Variants in NLGN1 observed in about 807,000 individuals in gnomAD.
NLGN1 encodes the protein neuroligin-1.
NLGN1 carries 12 observed loss-of-function variants against 65.5 expected under a neutral mutation model. The observed-to-expected ratio is 0.18, with a 90% CI of 0.12 to 0.30. The LOEUF (loss-of-function observed/expected upper bound fraction) is 0.30. Among genes scored for constraint, NLGN1 ranks in the 10% least tolerant of loss-of-function variants. The probability of loss-of-function intolerance (pLI) is 1.00; values close to 1 mark genes in which losing one functional copy is unlikely to be tolerated. For synonymous variants in NLGN1, 350 were observed against 359.5 expected (o/e 0.97, Z 0.30); for missense variants, 750 against 1,007.1 (o/e 0.74, Z 3.46).
intron 4 of NLGN1, among the ~76,000 whole-genome samples, chr3:174,210,974 G>C (rs538623788): frequency 6.6e-6 from 1 of 152,120 alleles, no homozygotes; most frequent in Non-Finnish European, 1.5e-5. Context: ...ATGAAGCCGC[G>C]GACCCTCGCG....
chr3:173,996,265 CCTTG>C (rs1722259976), intron 4 of NLGN1, among the ~76,000 whole-genome samples: 1 of 152,136 alleles, frequency 6.6e-6, no homozygotes, highest in Non-Finnish European at 1.5e-5. Context: ...ATTTTAAGAT[CCTTG>C]CTGTATATAT....
Position 173,817,399 on chromosome 3 carries a change from G to A in NLGN1, c.646+9567G>A, listed in dbSNP as rs115613436. Among the ~76,000 whole-genome samples, 379 of 152,342 alleles carry A rather than the reference G, an allele frequency of 2.5e-3. 2 individuals are homozygous for A. Among genetic ancestry groups the A allele is most frequent in the African/African-American group, 8.6e-3 (356 of 41,576 alleles). On this transcript the variant is annotated intron_variant, in intron 4 of 6. Transcript: ENST00000457714. ...CCTTGATCAAAGTTGACATTCTGCT[G>A]TGGATACAAAAAGCACGGCTAATAC... is the stretch of plus-strand genomic sequence containing the variant.
chr3:173,617,092 T>TTTTAATGTACCTCTACCTCTTTTCATGTC (rs1197039755), intron 3 of NLGN1, among the ~76,000 whole-genome samples: 12 of 152,186 alleles, frequency 7.9e-5, no homozygotes, highest in Non-Finnish European at 1.6e-4. Context: ...ATCCTTCTAC[T>TTTTAATGTACCTCTACCTCTTTTCATGTC]TTTAATGTAC....
intron 2 of NLGN1, among the ~76,000 whole-genome samples, chr3:173,571,683 G>A (rs1395503548): frequency 6.6e-6 from 1 of 152,176 alleles, no homozygotes; most frequent in Admixed American, 6.5e-5. Flanking sequence ...CATGCATTAG[G>A]CTGGAATATT....
At chr3:173,608,479 T>C (rs1751741112) in intron 3 of NLGN1, among the ~76,000 whole-genome samples, 1 of 151,918 alleles carries the variant, frequency 6.6e-6, no homozygotes, top group Non-Finnish European at 1.5e-5. Flanking sequence ...TTGCGTAATT[T>C]ATCCATTTAA....
chr3:174,245,168 C>T (rs1743571008), intron 4 of NLGN1, among the ~76,000 whole-genome samples: 1 of 152,146 alleles, frequency 6.6e-6, no homozygotes, highest in Non-Finnish European at 1.5e-5. Context: ...CTAGCAGTAG[C>T]TTAACCTCCC....
chr3:174,265,781 A>ATG (rs1553984542), intron 4 of NLGN1, among the ~76,000 whole-genome samples: 215 of 134,714 alleles, frequency 1.6e-3, no homozygotes, highest in African/African-American at 4.0e-3. Context: ...ATATATATAT[A>ATG]TGTATATATA....
chr3:173,971,240 G>C (rs1239644032), intron 4 of NLGN1, among the ~76,000 whole-genome samples: 2 of 152,098 alleles, frequency 1.3e-5, no homozygotes, highest in Non-Finnish European at 2.9e-5. Flanking sequence ...GAAATAAATT[G>C]TTTATAATAC....
rs184165260 is a variant in NLGN1, at chr3:173,551,315, G to A, written c.-320-52964G>A. Among the ~76,000 whole-genome samples, 12 of 152,288 alleles carry A rather than the reference G, an allele frequency of 7.9e-5. No individual in the cohort carries two copies. In the East Asian group the frequency reaches 1.7e-3, roughly 22 times the overall value. ...ACAAACCACAAAACTAAAGCAGCTC[G>A]ATGTGTAAGCTACAGGCAGAAGCTA... On this transcript the variant is annotated intron_variant, in intron 2 of 6. Coordinates refer to ENST00000457714, the Ensembl canonical transcript of NLGN1.
intron 4 of NLGN1, among the ~76,000 whole-genome samples, chr3:174,269,597 T>G (rs1338019144): frequency 1.3e-5 from 2 of 152,042 alleles, no homozygotes; most frequent in Non-Finnish European, 2.9e-5. Flanking sequence ...GATCTGTCAA[T>G]GAACACTTGG....
chr3:173,646,022 A>G (rs1157506813), intron 3 of NLGN1, among the ~76,000 whole-genome samples: 2 of 152,106 alleles, frequency 1.3e-5, no homozygotes, highest in Non-Finnish European at 2.9e-5. Context: ...TGGACAGGTG[A>G]AATCCTCACT....
chr3:173,937,391 A>G (rs1745252620), intron 4 of NLGN1, among the ~76,000 whole-genome samples: 1 of 152,122 alleles, frequency 6.6e-6, no homozygotes, highest in South Asian at 2.1e-4. Context: ...ACAAATTAAT[A>G]TACTTTATGA....
At chr3:173,608,579 G>T (rs958955683) in intron 3 of NLGN1, among the ~76,000 whole-genome samples, 1 of 151,858 alleles carries the variant, frequency 6.6e-6, no homozygotes, top group Non-Finnish European at 1.5e-5. Context: ...TAAGAAGGTA[G>T]ACTCTGAAAA....
At chr3:173,525,466 C>T (rs2149158135) in intron 2 of NLGN1, among the ~76,000 whole-genome samples, 1 of 152,086 alleles carries the variant, frequency 6.6e-6, no homozygotes, top group East Asian at 1.9e-4. Flanking sequence ...TGTAATGTCA[C>T]TTTTATCATT....
At chr3:174,258,032 A>G (rs377479384) in intron 4 of NLGN1, among the ~76,000 whole-genome samples, 4 of 151,916 alleles carry the variant, frequency 2.6e-5, no homozygotes, top group Admixed American at 1.3e-4. Flanking sequence ...TAGGAATTAT[A>G]TATGAGAAGA....
intron 3 of NLGN1, among the ~76,000 whole-genome samples, chr3:173,750,433 G>A (rs956080539): frequency 1.3e-5 from 2 of 152,040 alleles, no homozygotes; most frequent in African/African-American, 4.8e-5. Flanking sequence ...CAAATTGGAG[G>A]TTACTGAGCT....
chr3:174,070,339 T>G (rs1408583607), intron 4 of NLGN1, among the ~76,000 whole-genome samples: 1 of 150,110 alleles, frequency 6.7e-6, no homozygotes, highest in African/African-American at 2.4e-5. Flanking sequence ...CTTTTTGTGT[T>G]TTTTTTTTTT....
At chr3:174,288,724 C>T (rs1340134129), downstream of NLGN1, among the ~76,000 whole-genome samples, 1 of 151,440 alleles carries the variant, frequency 6.6e-6, no homozygotes, top group African/African-American at 2.4e-5. Flanking sequence ...ATAATAAACA[C>T]TTACGTATAG....
intron 4 of NLGN1, among the ~76,000 whole-genome samples, chr3:174,253,411 C>T (rs1745121015): frequency 6.6e-6 from 1 of 152,172 alleles, no homozygotes; most frequent in African/African-American, 2.4e-5. Context: ...TGCCTCACTG[C>T]ATAGCTTGTA....
Sources: gnomAD v4.1 joint callset for allele counts (sites outside exome capture counted in the v4.1 genomes callset) on GRCh38, gnomAD v4.1.1 for gene constraint, MANE v1.5 for transcripts, NCBI Gene and HGNC (gene_info 2026-07-23, HGNC 2026-07-21) for gene names.